Variants in OR1J2 observed in about 807,000 individuals in gnomAD.
The protein encoded by OR1J2 is olfactory receptor 1J2.
For missense variants in OR1J2, 304 were observed against 246.1 expected (o/e 1.24, Z -1.57); for synonymous variants, 142 against 99.7 (o/e 1.42, Z -2.52).
chr9:122,552,271 C>T, the OR1J2 span, among the ~76,000 whole-genome samples: 1,935 of 152,264 alleles, frequency 0.013, 20 homozygotes, highest in Non-Finnish European at 0.021. Flanking sequence ...GAAATGGTTT[C>T]TCCTACCAGC....
the OR1J2 span, among the ~76,000 whole-genome samples, chr9:122,561,157 G>A: frequency 6.6e-6 from 1 of 152,106 alleles, no homozygotes; most frequent in Non-Finnish European, 1.5e-5. Flanking sequence ...AAGTTCTTGT[G>A]CTGTGTTTTT....
the OR1J2 span, among the ~76,000 whole-genome samples, chr9:122,494,187 T>G: frequency 6.6e-6 from 1 of 152,186 alleles, no homozygotes; most frequent in Admixed American, 6.5e-5. Flanking sequence ...TATAAATATC[T>G]GTTAAGTCCA....
chr9:122,505,529 A>G, the OR1J2 span, among the ~76,000 whole-genome samples: 1 of 152,200 alleles, frequency 6.6e-6, no homozygotes, highest in African/African-American at 2.4e-5. Context: ...ATTAAGTTTT[A>G]ACATGAGTTT....
At chr9:122,503,939 C>T in the OR1J2 span, among the ~76,000 whole-genome samples, 124 of 152,282 alleles carry the variant, frequency 8.1e-4, no homozygotes, top group Admixed American at 3.0e-3. Flanking sequence ...ATGGCCAATC[C>T]GTCTATGAAC....
At chr9:122,556,331 A>G in the OR1J2 span, among the ~76,000 whole-genome samples, 2 of 150,128 alleles carry the variant, frequency 1.3e-5, no homozygotes, top group Non-Finnish European at 3.0e-5. Flanking sequence ...CTATTTGTTG[A>G]AGAGACTGTT....
chr9:122,483,500 T>C, the OR1J2 span, among the ~76,000 whole-genome samples: 1 of 152,228 alleles, frequency 6.6e-6, no homozygotes, highest in Non-Finnish European at 1.5e-5. Context: ...ACTATGCTCG[T>C]GTAATATATC....
chr9:122,546,396 A>G, the OR1J2 span, among the ~76,000 whole-genome samples: 1 of 152,162 alleles, frequency 6.6e-6, no homozygotes, highest in Admixed American at 6.6e-5. Flanking sequence ...TTCATAGGCT[A>G]GTTTGGGAAG....
chr9:122,449,404 C>G, the OR1J2 span, among the ~76,000 whole-genome samples: 1 of 152,256 alleles, frequency 6.6e-6, no homozygotes, highest in Non-Finnish European at 1.5e-5. Context: ...GAGTCTCGCT[C>G]TGTCGCCCAG....
chr9:122,468,606 C>T, the OR1J2 span, among the ~76,000 whole-genome samples: 1 of 152,072 alleles, frequency 6.6e-6, no homozygotes, highest in Non-Finnish European at 1.5e-5. Flanking sequence ...TGGAGGTCCA[C>T]ACCATCCTCC....
At chr9:122,467,236 G>A in the OR1J2 span, among the ~76,000 whole-genome samples, 19 of 152,238 alleles carry the variant, frequency 1.2e-4, no homozygotes, top group Non-Finnish European at 2.6e-4. Context: ...TACAAATGGT[G>A]AGTTTCCAAA....
the OR1J2 span, among the ~76,000 whole-genome samples, chr9:122,522,205 A>G: frequency 6.6e-6 from 1 of 152,230 alleles, no homozygotes; most frequent in South Asian, 2.1e-4. Flanking sequence ...TTTGAAATCC[A>G]TGAATGTGTG....
At chr9:122,526,509 G>C in the OR1J2 span, 10 of 1,592,768 alleles carry the variant, frequency 6.3e-6, no homozygotes, top group Admixed American at 1.7e-4. Flanking sequence ...AGAGGCAATG[G>C]AGGGAGGACA....
chr9:122,577,129 T>A, the OR1J2 span, among the ~76,000 whole-genome samples: 16,721 of 152,268 alleles, frequency 0.11, 1,109 homozygotes, highest in South Asian at 0.18. Flanking sequence ...GGAAATAAAT[T>A]GACAGCATGT....
chr9:122,456,206 A>G, the OR1J2 span, among the ~76,000 whole-genome samples: 1 of 152,140 alleles, frequency 6.6e-6, no homozygotes, highest in South Asian at 2.1e-4. Flanking sequence ...ATGAATGGGG[A>G]ATAATGGCTG....
the OR1J2 span, chr9:122,526,936 G>C: frequency 1.4e-5 from 22 of 1,614,134 alleles, no homozygotes; most frequent in South Asian, 2.2e-4. Context: ...GCCACATAGC[G>C]GTCATACGCC....
At chr9:122,571,013 A>G in the OR1J2 span, among the ~76,000 whole-genome samples, 1 of 152,200 alleles carries the variant, frequency 6.6e-6, no homozygotes, top group Admixed American at 6.5e-5. Flanking sequence ...AAGCCTCTTC[A>G]TATTTTGGTA....
At chr9:122,553,815 A>G in the OR1J2 span, 1 of 1,613,968 alleles carries the variant, frequency 6.2e-7, no homozygotes, top group East Asian at 2.2e-5. Flanking sequence ...CGAGCTGATG[A>G]TCATCACCAT....
the OR1J2 span, among the ~76,000 whole-genome samples, chr9:122,462,438 G>T: frequency 1.3e-5 from 2 of 152,194 alleles, no homozygotes; most frequent in African/African-American, 4.8e-5. Flanking sequence ...TGAGATGTGA[G>T]ATGCTATTCT....
At chr9:122,572,991 C>T in the OR1J2 span, 95,092 of 152,188 alleles carry the variant, frequency 0.62, 29,898 homozygotes, top group African/African-American at 0.66. Flanking sequence ...TCCCTGTTTC[C>T]TTCCTAATCT....
Sources: allele counts gnomAD v4.1 joint callset (sites outside exome capture counted in the v4.1 genomes callset), GRCh38; gene constraint gnomAD v4.1.1; transcripts MANE v1.5; gene names NCBI Gene and HGNC (gene_info 2026-07-23, HGNC 2026-07-21).